The following USP34 variants were observed in gnomAD, a reference collection of about 807,000 sequenced individuals.
USP34 encodes ubiquitin carboxyl-terminal hydrolase 34.
In USP34, 70 loss-of-function variants were observed where a neutral mutation model predicts 460.3. The ratio of observed to expected loss-of-function variants is 0.15; its 90% CI spans 0.13 to 0.19. USP34 has a LOEUF of 0.19. Ranked by LOEUF, USP34 falls within the 10% of genes least tolerant of loss-of-function variation. The pLI, the probability that USP34 is intolerant of heterozygous loss-of-function variation, is 1.00. For synonymous variants in USP34, 1,647 were observed against 1,405.3 expected (o/e 1.17, Z -3.85); for missense variants, 3,985 against 4,236.2 (o/e 0.94, Z 1.65).
chr2:61,450,877 G>C (rs558822420), intron 1 of USP34, among the ~76,000 whole-genome samples: 267 of 128,368 alleles, frequency 2.1e-3, no homozygotes, highest in Non-Finnish European at 3.4e-3. Flanking sequence ...AATAGAAACG[G>C]AGGAGATGCA....
rs542475860 is a variant in USP34 at position 61,195,956 on chromosome 2, G to T, written c.9509-2976C>A. Reference sequence around the variant, plus strand: ...GGTCTGGCTCTTATCACCCACGCTGGAGGACAGTGGCACGATCTCAGCTCA... The same window carrying T: ...GGTCTGGCTCTTATCACCCACGCTGTAGGACAGTGGCACGATCTCAGCTCA... On this transcript the variant is annotated intron_variant, in intron 75 of 79. Coordinates refer to ENST00000398571, the MANE Select transcript of USP34 (RefSeq NM_014709.4). Among the ~76,000 whole-genome samples, 81 of 151,478 alleles carry T rather than the reference G, an allele frequency of 5.3e-4. 1 individual carries two copies. Among genetic ancestry groups the T allele is most frequent in the Non-Finnish European group, 1.1e-3 (72 of 67,960 alleles).
chr2:61,292,360 A>G (rs1022197540), intron 33 of USP34, among the ~76,000 whole-genome samples: 1 of 152,208 alleles, frequency 6.6e-6, no homozygotes, highest in African/African-American at 2.4e-5. Context: ...TATCTTAGAC[A>G]TGCTTTGCAT....
chr2:61,339,695 A>T lies in USP34; in HGVS notation c.2501-14T>A. On this transcript the variant is annotated splice_polypyrimidine_tract_variant and intron_variant, in intron 16 of 79. Coordinates refer to ENST00000398571, the MANE Select transcript of USP34 (RefSeq NM_014709.4). ...GAACTACAGGTCCTGAAGAGAAAAAAAAAAAAAAGACACACTATAGAGAAA... is the reference window on the plus strand; with the variant it reads ...GAACTACAGGTCCTGAAGAGAAAAATAAAAAAAAGACACACTATAGAGAAA... The T allele has an allele frequency of 7.2e-7, 1 of 1,395,536 alleles. No homozygotes were observed. Among genetic ancestry groups the T allele is most frequent in the Admixed American group, 2.7e-5 (1 of 36,902 alleles). 86.4% of individuals were successfully genotyped at this position (1,395,536 alleles called of 1,614,324 possible).
intron 1 of USP34, among the ~76,000 whole-genome samples, chr2:61,427,252 T>C (rs1043536554): frequency 2.6e-5 from 4 of 152,118 alleles, no homozygotes; most frequent in Admixed American, 2.6e-4. Context: ...ATAGTCTCGA[T>C]CTCCTGACCT....
intron 1 of USP34, among the ~76,000 whole-genome samples, chr2:61,438,291 A>G (rs937986768): frequency 6.6e-6 from 1 of 152,236 alleles, no homozygotes; most frequent in African/African-American, 2.4e-5. Flanking sequence ...AGCATTTGAT[A>G]AAATTCAACA....
rs1691919311 is a variant in USP34 at position 61,350,721 on chromosome 2, C to A, written c.1252-28G>T. 5 of 1,597,498 alleles carry A rather than the reference C, an allele frequency of 3.1e-6. No individual in the cohort carries two copies. In the South Asian group the frequency reaches 4.6e-5, roughly 15 times the overall value. On this transcript the variant is annotated intron_variant, in intron 10 of 79. Transcript: ENST00000398571. ...AGAAAATCAAGTTAGAGAGAATGGT[C>A]AAAAATAATTGCCCAATACATGTAG...
rs1011827984 is a variant in USP34, at chr2:61,339,647, A to G, written c.2535T>C (p.Asn845=). 1.3e-6 allele frequency: 2 copies of G among 1,558,498 alleles called. No individual in the cohort carries two copies. Among genetic ancestry groups the G allele is most frequent in the African/African-American group, 2.8e-5 (2 of 71,952 alleles). The part of the protein sequence containing the change: ...PVVHKHQFNS[N]AVTDINLDNV... ...TATCCAAATTAATGTCTGTAACAGCATTACTGTTGAATTGATGTTTATGAA... is the reference window on the plus strand; with the variant it reads ...TATCCAAATTAATGTCTGTAACAGCGTTACTGTTGAATTGATGTTTATGAA... The change falls in exon 17 of 80, where the codon AAT becomes AAC. Residue 845 remains asparagine, a synonymous_variant. Coordinates refer to ENST00000398571, the MANE Select transcript of USP34 (RefSeq NM_014709.4).
At chr2:61,388,763 GAA>G (rs1491201204) in intron 5 of USP34, among the ~76,000 whole-genome samples, 1 of 38,256 alleles carries the variant, frequency 2.6e-5, no homozygotes, top group Non-Finnish European at 6.1e-5. Flanking sequence ...CTCAGAAAAA[GAA>G]TATATATATA....
At chr2:61,206,581 G>C (rs1013022977) in intron 71 of USP34, among the ~76,000 whole-genome samples, 179 bp downstream of exon 71, 1 of 152,144 alleles carries the variant, frequency 6.6e-6, no homozygotes, top group African/African-American at 2.4e-5. Context: ...ACATAAAAGA[G>C]CCTTCCAGCT....
At chr2:61,437,532 G>T (rs576433778) in intron 1 of USP34, among the ~76,000 whole-genome samples, 10 of 152,204 alleles carry the variant, frequency 6.6e-5, no homozygotes, top group South Asian at 2.1e-4. Context: ...CCAGCACTTT[G>T]GCAGGCTGAG....
chr2:61,377,922 T>C (rs1312715118), intron 8 of USP34, among the ~76,000 whole-genome samples: 1 of 152,250 alleles, frequency 6.6e-6, no homozygotes, highest in African/African-American at 2.4e-5. Flanking sequence ...CTCACGCCTG[T>C]AATCCCAACA....
chr2:61,361,237 C>G (rs1191905963), intron 10 of USP34, among the ~76,000 whole-genome samples: 2 of 152,032 alleles, frequency 1.3e-5, no homozygotes, highest in Admixed American at 6.6e-5. Flanking sequence ...ACAGCAAGAC[C>G]CAGTCTCTAC....
intron 41 of USP34, among the ~76,000 whole-genome samples, chr2:61,271,631 G>T (rs1250969307): frequency 6.6e-6 from 1 of 152,002 alleles, no homozygotes; most frequent in Non-Finnish European, 1.5e-5. Context: ...GGAGGAGAAA[G>T]AAAGGAAGAA....
intron 21 of USP34, among the ~76,000 whole-genome samples, chr2:61,321,665 T>A (rs1690927825): frequency 6.6e-6 from 1 of 152,212 alleles, no homozygotes; most frequent in Non-Finnish European, 1.5e-5. Context: ...TAATTTATGT[T>A]TTTAAAATGT....
chr2:61,239,352 A>ACG, intron 53 of USP34, among the ~76,000 whole-genome samples: 1 of 147,086 alleles, frequency 6.8e-6, no homozygotes, highest in Middle Eastern at 3.4e-3. Flanking sequence ...ACACACACAC[A>ACG]GAAGTTTGAG....
In USP34 at chr2:61,265,607, C is replaced by T. The variant is rs528992528; in HGVS notation, c.5618-50G>A. ...GATCCCCCCCAAACAAACTATGAAA[C>T]ACAATGTATTTTGCTTACATTAACA... is the stretch of plus-strand genomic sequence containing the variant. On this transcript the variant is annotated intron_variant, in intron 42 of 79. Coordinates refer to ENST00000398571, the MANE Select transcript of USP34 (RefSeq NM_014709.4). 1,393 of 1,547,800 alleles carry T rather than the reference C, an allele frequency of 9.0e-4. 24 individuals carry two copies. The South Asian group carries it at 0.017, about 19-fold the overall frequency.
chr2:61,291,625 T>C (rs1689854786), intron 33 of USP34, among the ~76,000 whole-genome samples: 1 of 152,188 alleles, frequency 6.6e-6, no homozygotes, highest in African/African-American at 2.4e-5. Flanking sequence ...CATACATGCA[T>C]ACATGCTTAT....
rs796973508 is a variant in USP34 at position 61,370,332 on chromosome 2, C to A, written c.1240G>T (p.Ala414Ser). 6.2e-7 allele frequency: 1 copy of A among 1,613,968 alleles called. No individual in the cohort carries two copies. Among genetic ancestry groups the A allele is most frequent in the Non-Finnish European group, 8.5e-7 (1 of 1,179,920 alleles). Reference sequence around the variant, plus strand: ...GCTGTTAATATTACCTGTGCTGCAGCCCAAATACAGTCAATATGTTGAGTA... The same window carrying A: ...GCTGTTAATATTACCTGTGCTGCAGACCAAATACAGTCAATATGTTGAGTA... ...LSTQHIDCIW[A>S]AAQLKHCSRY... is the part of the protein sequence containing the mutation. The change falls in exon 10 of 80, where the codon GCT becomes TCT. Residue 414 changes from alanine to serine, a missense_variant. Transcript: ENST00000398571.
chr2:61,437,997 C>G (rs189820077), intron 1 of USP34, among the ~76,000 whole-genome samples: 1 of 151,936 alleles, frequency 6.6e-6, no homozygotes, highest in East Asian at 1.9e-4. Flanking sequence ...TCTGAACTCA[C>G]TCTACAAGGC....
Sources: allele counts gnomAD v4.1 joint callset (sites outside exome capture counted in the v4.1 genomes callset), GRCh38; gene constraint gnomAD v4.1.1; transcripts MANE v1.5; gene names NCBI Gene and HGNC (gene_info 2026-07-23, HGNC 2026-07-21).